Variants in TCF7L2 observed in about 807,000 individuals in gnomAD.
The protein encoded by TCF7L2 is transcription factor 7 like 2.
In TCF7L2, 23 loss-of-function variants were observed where a neutral mutation model predicts 77.9. That is an observed-to-expected ratio of 0.30 (90% CI 0.21 to 0.42). TCF7L2 has a LOEUF of 0.42. Ranked by LOEUF, TCF7L2 falls within the 10% of genes least tolerant of loss-of-function variation. The probability of loss-of-function intolerance (pLI) is 1.00; values close to 1 mark genes in which losing one functional copy is unlikely to be tolerated. For missense variants in TCF7L2, 654 were observed against 793.1 expected (o/e 0.82, Z 2.11); for synonymous variants, 413 against 340.2 (o/e 1.21, Z -2.36).
intron 4 of TCF7L2, among the ~76,000 whole-genome samples, chr10:113,003,486 ACTGCCCTCTATTTCCCTGTCC>A (rs1367464897): frequency 1.3e-5 from 2 of 152,126 alleles, no homozygotes; most frequent in African/African-American, 4.8e-5. Context: ...AGAAAGAATG[ACTGCCCTCTATTTCCCTGTCC>A]CTGCCCTCTC....
chr10:113,122,448 G>A (rs549378352), intron 5 of TCF7L2, among the ~76,000 whole-genome samples: 2 of 152,314 alleles, frequency 1.3e-5, no homozygotes, highest in South Asian at 2.1e-4. Context: ...CAGAATATGT[G>A]TATTTACATT....
intron 5 of TCF7L2, 60 bp from the exon 6 acceptor site, chr10:113,141,124 T>TG: frequency 1.3e-6 from 2 of 1,598,426 alleles, no homozygotes; most frequent in Non-Finnish European, 8.5e-7. Flanking sequence ...CCCGGTGCTC[T>TG]GAAGCCCTGG....
At chr10:113,003,826 G>T (rs1047876001) in intron 4 of TCF7L2, among the ~76,000 whole-genome samples, 1 of 152,222 alleles carries the variant, frequency 6.6e-6, no homozygotes, top group Non-Finnish European at 1.5e-5. Flanking sequence ...CCCTGAGATG[G>T]TGTAGGCCAC....
intron 5 of TCF7L2, among the ~76,000 whole-genome samples, chr10:113,052,086 T>G (rs148850073): frequency 6.6e-6 from 1 of 152,322 alleles, no homozygotes; most frequent in Non-Finnish European, 1.5e-5. Context: ...TTTGACTGAT[T>G]ATTACAACTT....
At chr10:113,086,853 C>T (rs1472160981) in intron 5 of TCF7L2, among the ~76,000 whole-genome samples, 1 of 151,752 alleles carries the variant, frequency 6.6e-6, no homozygotes, top group Non-Finnish European at 1.5e-5. Flanking sequence ...ACATCTCCTA[C>T]CCCCCTAAAA....
intron 4 of TCF7L2, among the ~76,000 whole-genome samples, chr10:113,012,223 A>G (rs2046585616): frequency 6.6e-6 from 1 of 151,964 alleles, no homozygotes; most frequent in Non-Finnish European, 1.5e-5. Flanking sequence ...ACCAGTAGTT[A>G]TAAAACCTGC....
intron 5 of TCF7L2, chr10:113,132,168 CAT>C (rs1195547846): frequency 3.9e-5 from 6 of 152,158 alleles, no homozygotes; most frequent in African/African-American, 1.2e-4. Context: ...TGTTGAGCCA[CAT>C]GAGTGGAAAC....
At chr10:113,071,183 TACAAG>T (rs1193085815) in intron 5 of TCF7L2, among the ~76,000 whole-genome samples, 1 of 152,196 alleles carries the variant, frequency 6.6e-6, no homozygotes, top group Non-Finnish European at 1.5e-5. Flanking sequence ...CCCGCTTTGC[TACAAG>T]AAGACAGAAT....
At chr10:113,047,672 A>G (rs2053692995) in intron 5 of TCF7L2, among the ~76,000 whole-genome samples, 1 of 152,104 alleles carries the variant, frequency 6.6e-6, no homozygotes, top group Admixed American at 6.5e-5. Context: ...TTCATGGCAT[A>G]TTATTGGGCA....
intron 11 of TCF7L2, among the ~76,000 whole-genome samples, chr10:113,155,560 A>G (rs1050257527): frequency 4.6e-5 from 7 of 152,342 alleles, no homozygotes; most frequent in South Asian, 4.1e-4. Flanking sequence ...TCTCCGTGCT[A>G]TATCCTAAAG....
At chr10:113,086,360 A>G (rs1212165976) in intron 5 of TCF7L2, among the ~76,000 whole-genome samples, 2 of 152,114 alleles carry the variant, frequency 1.3e-5, no homozygotes, top group African/African-American at 4.8e-5. Flanking sequence ...GGTTGCATCC[A>G]GGGGCCCATG....
At chr10:112,999,145 A>C (rs1413508098) in intron 4 of TCF7L2, among the ~76,000 whole-genome samples, 1 of 152,214 alleles carries the variant, frequency 6.6e-6, no homozygotes, top group Non-Finnish European at 1.5e-5. Context: ...GCCTCTCTTA[A>C]GCAGTGCCTT....
Position 113,160,720 on chromosome 10 carries a change from A to G in TCF7L2, c.1391+29A>G, listed in dbSNP as rs188762092. ...TATTACCACTGCGAGGCCTTTGGGA[A>G]AATCAAAGCATTCTGTCCTTCCGGT... On this transcript the variant is annotated intron_variant, in intron 13 of 13. Transcript: ENST00000627217. 1.4e-5 allele frequency: 22 copies of G among 1,563,306 alleles called. No homozygotes were observed. In the East Asian group the frequency reaches 4.6e-4, roughly 33 times the overall value.
intron 4 of TCF7L2, among the ~76,000 whole-genome samples, chr10:112,969,092 G>T (rs974790966): frequency 3.3e-5 from 5 of 152,094 alleles, no homozygotes; most frequent in Non-Finnish European, 5.9e-5. Context: ...CTGATAAAGA[G>T]CTCCCCAGAA....
At position 112,987,292 on chromosome 10, in the gene TCF7L2, G is replaced by T. The variant is rs118067683; in HGVS notation, c.450+22668G>T. Among the ~76,000 whole-genome samples the T allele has an allele frequency of 3.0e-3, 455 of 152,150 alleles. 3 individuals carry two copies. The highest frequency in any genetic ancestry group is 4.0e-3 in the Non-Finnish European group (273 of 67,988). ...GCAGCAAATAAATCTCAGTTTCCTT[G>T]TCTGTAAAATAGGCATAGTAAAACT... On this transcript the variant is annotated intron_variant, in intron 4 of 13. Coordinates refer to ENST00000627217, the MANE Select transcript of TCF7L2 (RefSeq NM_001146274.2).
chr10:113,163,369 T>C (rs1022317466), intron 13 of TCF7L2, among the ~76,000 whole-genome samples: 3 of 152,242 alleles, frequency 2.0e-5, no homozygotes, highest in African/African-American at 7.2e-5. Flanking sequence ...TGCCCTAATA[T>C]AGCATGGAAT....
intron 12 of TCF7L2, among the ~76,000 whole-genome samples, chr10:113,159,541 GA>G (rs1486383651): frequency 6.6e-6 from 1 of 151,810 alleles, no homozygotes; most frequent in Non-Finnish European, 1.5e-5. Flanking sequence ...AAAATTGAGA[GA>G]AAAAAGGGAA....
intron 5 of TCF7L2, among the ~76,000 whole-genome samples, chr10:113,067,164 A>G (rs1009236259): frequency 6.6e-6 from 1 of 152,216 alleles, no homozygotes; most frequent in Admixed American, 6.5e-5. Flanking sequence ...GGTTATTAAC[A>G]TATTATGTGA....
At chr10:113,088,746 C>T (rs1055684248) in intron 5 of TCF7L2, among the ~76,000 whole-genome samples, 3 of 151,908 alleles carry the variant, frequency 2.0e-5, no homozygotes, top group African/African-American at 4.8e-5. Flanking sequence ...TGCCTGAGCC[C>T]AGGAGTTCAA....
Sources: allele counts gnomAD v4.1 joint callset (sites outside exome capture counted in the v4.1 genomes callset), GRCh38; gene constraint gnomAD v4.1.1; transcripts MANE v1.5; gene names NCBI Gene and HGNC (gene_info 2026-07-23, HGNC 2026-07-21).